The following TRIB3 variants were observed in gnomAD, a reference collection of about 807,000 sequenced individuals.
TRIB3 encodes tribbles homolog 3.
A neutral mutation model predicts 16.6 loss-of-function variants in TRIB3; 20 were observed. That is an observed-to-expected ratio of 1.20 (90% CI 0.85 to 1.75). The LOEUF (loss-of-function observed/expected upper bound fraction) is 1.75. TRIB3 is among the 40% of genes most tolerant of loss of function. TRIB3 has a pLI of 0.00. For synonymous variants in TRIB3, 208 were observed against 217.0 expected (o/e 0.96, Z 0.36); for missense variants, 484 against 488.9 (o/e 0.99, Z 0.10).
At chr20:385,257 C>T (rs182084643) in intron 1 of TRIB3, among the ~76,000 whole-genome samples, 5 of 152,046 alleles carry the variant, frequency 3.3e-5, no homozygotes, top group African/African-American at 1.2e-4. Context: ...GGATTACAGG[C>T]GTGTGCCACC....
chr20:393,338 T>A (rs1034809883), intron 3 of TRIB3, among the ~76,000 whole-genome samples: 1 of 60,066 alleles, frequency 1.7e-5, no homozygotes, highest in Non-Finnish European at 3.2e-5. Flanking sequence ...ACCTTGACAC[T>A]TTTTTTTTTT....
Position 397,197 on chromosome 20 carries a change from C to CTACA in TRIB3, c.*507_*508insTACA. On this transcript the variant is annotated 3_prime_UTR_variant, in exon 4 of 4. Coordinates refer to ENST00000217233, the MANE Select transcript of TRIB3 (RefSeq NM_021158.5). ...TCTCCCCTGCAACTCAGGACCCAAG[C>CTACA]CCAGCTCACTCTGGGAACTGTGTTC... is the stretch of plus-strand genomic sequence containing the variant. 6.4e-6 allele frequency: 1 copy of CTACA among 155,166 alleles called. No homozygotes were observed. The allele number at this position is 155,166 out of a possible 1,614,324, so 9.6% of individuals were successfully genotyped here.
Position 386,900 on chromosome 20 carries a change from G to A in TRIB3, c.1-1111G>A, listed in dbSNP as rs145647630. On this transcript the variant is annotated intron_variant, in intron 1 of 3. Transcript: ENST00000217233. ...CTGCTACCTGGGATTACAGGCATAA[G>A]CCACTGCGCCTGGCCTAATTTTTGT... 7.3e-5 allele frequency among the ~76,000 whole-genome samples: 11 copies of A among 151,338 alleles called. No individual in the cohort carries two copies. In the East Asian group the frequency reaches 7.8e-4, roughly 11 times the overall value.
intron 1 of TRIB3, among the ~76,000 whole-genome samples, chr20:385,108 TTTTA>T (rs775274047): frequency 2.0e-5 from 3 of 152,088 alleles, no homozygotes; most frequent in Admixed American, 6.5e-5. Flanking sequence ...CTCACCTTAT[TTTTA>T]TTTATTTATT....
chr20:395,552 A>C (rs1323225111), intron 3 of TRIB3, among the ~76,000 whole-genome samples: 1 of 152,164 alleles, frequency 6.6e-6, no homozygotes, highest in Non-Finnish European at 1.5e-5. Context: ...TTTTCATTAA[A>C]ATACAATTCC....
chr20:390,005 C>T (rs1053588608), intron 2 of TRIB3, among the ~76,000 whole-genome samples: 4 of 152,140 alleles, frequency 2.6e-5, no homozygotes, highest in Non-Finnish European at 5.9e-5. Context: ...GTGGGAGATA[C>T]AGACACTAAA....
At chr20:396,076 G>C in intron 3 of TRIB3, 122 bp from the exon 4 acceptor site, 1 of 1,423,956 alleles carries the variant, frequency 7.0e-7, no homozygotes, top group Non-Finnish European at 9.5e-7. Context: ...CACAGGACTG[G>C]CTTGTGTCTG....
chr20:396,941 T>G lies in TRIB3; in HGVS notation c.*251T>G. The G allele has an allele frequency of 8.6e-6, 4 of 467,816 alleles. No homozygotes were observed. The highest frequency in any genetic ancestry group is 3.5e-5 in the East Asian group (1 of 28,328). The allele number at this position is 467,816 out of a possible 1,614,324, so 29.0% of individuals were successfully genotyped here. On this transcript the variant is annotated 3_prime_UTR_variant, in exon 4 of 4. Coordinates refer to ENST00000217233, the MANE Select transcript of TRIB3 (RefSeq NM_021158.5). ...ACAGCAGTGAGCAAAGGAGACAATA[T>G]TCCCTGCTCACAGAGATGACAAACT...
At chr20:393,129 T>C (rs1057481229) in intron 3 of TRIB3, among the ~76,000 whole-genome samples, 3 of 95,768 alleles carry the variant, frequency 3.1e-5, no homozygotes, top group Admixed American at 2.8e-4. Context: ...CTCTCCAATG[T>C]TAACACCTGA....
In TRIB3 at chr20:397,303, CTA is replaced by C. The variant is rs1363985576; in HGVS notation, c.*615_*616del. 6.5e-6 allele frequency: 1 copy of C among 153,014 alleles called. No homozygotes were observed. The highest frequency in any genetic ancestry group is 1.5e-5 in the Non-Finnish European group (1 of 68,634). 9.5% of individuals were successfully genotyped at this position (153,014 alleles called of 1,614,324 possible). On this transcript the variant is annotated 3_prime_UTR_variant, in exon 4 of 4. Transcript: ENST00000217233. ...TTTGGGCCAGAGATAAGAATCCAAA[CTA>C]TGAGGCTAGTTCTTGTCTAACTCAA...
chr20:388,388 C>A (rs2122682188), intron 2 of TRIB3, 87 bp downstream of exon 2: 1 of 1,434,410 alleles, frequency 7.0e-7, no homozygotes, highest in East Asian at 2.4e-5. Context: ...CAGAGGGGTC[C>A]TTATGTTCAT....
chr20:391,708 C>T (rs1225377636), intron 3 of TRIB3, 129 bp downstream of exon 3: 3 of 1,255,996 alleles, frequency 2.4e-6, no homozygotes, highest in Non-Finnish European at 3.2e-6. Context: ...AACCAGCAGC[C>T]CCTGTTTAGT....
intron 3 of TRIB3, among the ~76,000 whole-genome samples, chr20:393,270 T>C (rs1206521141): frequency 2.6e-5 from 4 of 152,132 alleles, no homozygotes; most frequent in Non-Finnish European, 5.9e-5. Context: ...AGTGGTTTCC[T>C]TGGTCTCTTC....
At position 388,088 on chromosome 20, in the gene TRIB3, T is replaced by C. The variant is rs971923091; in HGVS notation, c.78T>C (p.Asp26=). The change falls in exon 2 of 4, where the codon GAT becomes GAC. Residue 26 remains aspartate (D), a synonymous_variant. Transcript: ENST00000217233. ...KKRLELDDNL[D]TERPVQKRAR... is the part of the protein sequence containing the mutation. ...GGTTGGAGTTGGATGACAACTTAGA[T>C]ACCGAGCGTCCCGTCCAGAAACGAG... 6.2e-7 allele frequency: 1 copy of C among 1,614,122 alleles called. No homozygotes were observed.
intron 1 of TRIB3, among the ~76,000 whole-genome samples, chr20:381,954 C>A (rs902509952): frequency 1.3e-5 from 2 of 152,122 alleles, no homozygotes; most frequent in Non-Finnish European, 2.9e-5. Flanking sequence ...CCCAGGGCCG[C>A]GCTTCAATTT....
intron 1 of TRIB3, among the ~76,000 whole-genome samples, chr20:386,100 G>A (rs1478184214): frequency 1.3e-5 from 2 of 152,054 alleles, no homozygotes; most frequent in Non-Finnish European, 2.9e-5. Flanking sequence ...TTGGGTTCAA[G>A]CAGTCTTCCC....
In TRIB3 at chr20:396,316, G is replaced by A. The variant is rs190953516; in HGVS notation, c.703G>A (p.Ala235Thr). Residue 235 changes from alanine (A) to threonine (T), a missense_variant, in exon 4 of 4, where the codon GCC becomes ACC. Transcript: ENST00000217233. ...YVGPEILSSRASYSGKAADVW... is the reference protein window; with the variant it reads ...YVGPEILSSRTSYSGKAADVW... ...GGGACCTGAGATACTCAGCTCACGG[G>A]CCTCATACTCGGGCAAGGCAGCCGA... 1.2e-6 allele frequency: 2 copies of A among 1,613,766 alleles called. No individual in the cohort carries two copies. Among genetic ancestry groups the A allele is most frequent in the East Asian group, 2.2e-5 (1 of 44,886 alleles).
At chr20:388,536 T>C (rs2014887634) in intron 2 of TRIB3, among the ~76,000 whole-genome samples, 1 of 151,734 alleles carries the variant, frequency 6.6e-6, no homozygotes, top group South Asian at 2.1e-4. Flanking sequence ...GCTGCAGGGG[T>C]AGAACTTAGG....
At position 396,890 on chromosome 20, in the gene TRIB3, C is replaced by A; in HGVS notation, c.*200C>A. 1 of 713,614 alleles carries A rather than the reference C, an allele frequency of 1.4e-6. No homozygotes were observed. Among genetic ancestry groups the A allele is most frequent in the Non-Finnish European group, 2.2e-6 (1 of 456,788 alleles). 44.2% of individuals were successfully genotyped at this position (713,614 alleles called of 1,614,324 possible). A position where few individuals can be genotyped will look rare whatever the true frequency, so the allele number is the denominator to read the frequency against. On this transcript the variant is annotated 3_prime_UTR_variant, in exon 4 of 4. Transcript: ENST00000217233. ...TCCTGCTTGGGTGCTTATCAGGTGC[C>A]AAGCCCTGTTCTCGGTGCTGGGAGT...
Sources: gnomAD v4.1 joint callset for allele counts (sites outside exome capture counted in the v4.1 genomes callset) on GRCh38, gnomAD v4.1.1 for gene constraint, MANE v1.5 for transcripts, NCBI Gene and HGNC (gene_info 2026-07-23, HGNC 2026-07-21) for gene names.